Variants in ZNF827 observed in about 807,000 individuals in gnomAD.
ZNF827 encodes zinc finger protein 827.
A neutral mutation model predicts 102.4 loss-of-function variants in ZNF827; 13 were observed. That is an observed-to-expected ratio of 0.13 (90% CI 0.08 to 0.20). ZNF827 has a LOEUF of 0.20. Among genes scored for constraint, ZNF827 ranks in the 10% least tolerant of loss-of-function variants. ZNF827 has a pLI of 1.00. For missense variants in ZNF827, 1,103 were observed against 1,344.4 expected (o/e 0.82, Z 2.81); for synonymous variants, 523 against 536.2 (o/e 0.98, Z 0.34).
At chr4:145,863,188 A>G (rs1158326984) in intron 5 of ZNF827, among the ~76,000 whole-genome samples, 1 of 152,252 alleles carries the variant, frequency 6.6e-6, no homozygotes, top group East Asian at 1.9e-4. Flanking sequence ...AATCAAAACT[A>G]TAATGAAACA....
intron 5 of ZNF827, among the ~76,000 whole-genome samples, chr4:145,856,784 C>T (rs1263834057): frequency 1.4e-5 from 2 of 146,848 alleles, no homozygotes; most frequent in African/African-American, 5.1e-5. Context: ...AAGCCAATGT[C>T]TATGATGAAG....
intron 7 of ZNF827, among the ~76,000 whole-genome samples, chr4:145,835,485 C>CCG (rs1427090293): frequency 2.0e-5 from 3 of 150,860 alleles, no homozygotes; most frequent in Non-Finnish European, 4.4e-5. Context: ...TAGTTATCCC[C>CCG]ACCTGCCCAG....
chr4:145,805,234 T>A (rs376475027), intron 8 of ZNF827, among the ~76,000 whole-genome samples: 60 of 152,248 alleles, frequency 3.9e-4, no homozygotes, highest in African/African-American at 1.3e-3. Flanking sequence ...AAATAATGGA[T>A]TTGTCTCTAA....
intron 11 of ZNF827, among the ~76,000 whole-genome samples, chr4:145,767,628 T>C (rs1735505844): frequency 6.6e-6 from 1 of 152,182 alleles, no homozygotes; most frequent in Non-Finnish European, 1.5e-5. Flanking sequence ...AAGAAAGATA[T>C]GTTATGTGCA....
At chr4:145,812,685 G>A (rs752689935) in intron 8 of ZNF827, among the ~76,000 whole-genome samples, 2 of 151,986 alleles carry the variant, frequency 1.3e-5, no homozygotes, top group South Asian at 2.1e-4. Context: ...ACGCCAACAC[G>A]CCCAGCTAAC....
chr4:145,922,824 T>A (rs528219229), intron 1 of ZNF827, among the ~76,000 whole-genome samples: 1 of 152,182 alleles, frequency 6.6e-6, no homozygotes, highest in East Asian at 1.9e-4. Flanking sequence ...GTAAGACTGA[T>A]ACTTCAAGGA....
At chr4:145,772,446 CT>C (rs1310187729) in intron 11 of ZNF827, among the ~76,000 whole-genome samples, 2 of 152,176 alleles carry the variant, frequency 1.3e-5, no homozygotes, top group Non-Finnish European at 2.9e-5. Flanking sequence ...ACAGGAAACC[CT>C]TGCTGTGAGA....
At chr4:145,905,105 G>A (rs919877598) in intron 1 of ZNF827, among the ~76,000 whole-genome samples, 1 of 152,218 alleles carries the variant, frequency 6.6e-6, no homozygotes, top group African/African-American at 2.4e-5. Context: ...TCTGTCTGCT[G>A]TTGGCTTCCT....
At chr4:145,904,585 G>A (rs1051176418) in intron 1 of ZNF827, among the ~76,000 whole-genome samples, 1 of 152,204 alleles carries the variant, frequency 6.6e-6, no homozygotes, top group Non-Finnish European at 1.5e-5. Context: ...AACATGCCTG[G>A]CACGCCCATG....
At chr4:145,779,939 C>G (rs1737719573) in intron 8 of ZNF827, among the ~76,000 whole-genome samples, 2 of 152,328 alleles carry the variant, frequency 1.3e-5, no homozygotes, top group Admixed American at 1.3e-4. Context: ...ACCTGTAATC[C>G]CAGCACTTTG....
chr4:145,880,252 C>A (rs933962979), intron 4 of ZNF827, among the ~76,000 whole-genome samples: 3 of 152,188 alleles, frequency 2.0e-5, no homozygotes, highest in African/African-American at 7.2e-5. Flanking sequence ...AATCTCAGTT[C>A]TACCACCTAT....
chr4:145,827,767 T>A (rs956778350), intron 7 of ZNF827, among the ~76,000 whole-genome samples: 1 of 152,176 alleles, frequency 6.6e-6, no homozygotes, highest in Non-Finnish European at 1.5e-5. Context: ...TGGGATTAGA[T>A]CTCCAATAAC....
chr4:145,855,623 A>T (rs545098863), intron 5 of ZNF827, among the ~76,000 whole-genome samples: 1 of 152,332 alleles, frequency 6.6e-6, no homozygotes, highest in African/African-American at 2.4e-5. Flanking sequence ...AATGGAATGA[A>T]GAATTGGGCT....
At chr4:145,930,452 G>T (rs1753718326) in intron 1 of ZNF827, among the ~76,000 whole-genome samples, 1 of 152,180 alleles carries the variant, frequency 6.6e-6, no homozygotes, top group Admixed American at 6.5e-5. Flanking sequence ...TGACCAAAGA[G>T]AAAGAGATAG....
intron 8 of ZNF827, among the ~76,000 whole-genome samples, chr4:145,800,045 C>T (rs1168736580): frequency 6.6e-6 from 1 of 152,058 alleles, no homozygotes; most frequent in African/African-American, 2.4e-5. Flanking sequence ...CTAATACATA[C>T]AATAATTTTT....
At chr4:145,921,634 T>C (rs892311696) in intron 1 of ZNF827, among the ~76,000 whole-genome samples, 1 of 151,514 alleles carries the variant, frequency 6.6e-6, no homozygotes, top group Non-Finnish European at 1.5e-5. Context: ...AGAAATTCAA[T>C]GAGGGGAGGA....
At chr4:145,920,512 T>C (rs1040363742) in intron 1 of ZNF827, among the ~76,000 whole-genome samples, 4 of 152,198 alleles carry the variant, frequency 2.6e-5, no homozygotes, top group African/African-American at 4.8e-5. Context: ...AGGAGAAGCA[T>C]GTGACTCCCT....
chr4:145,932,544 G>A (rs947926199), intron 1 of ZNF827, among the ~76,000 whole-genome samples: 2 of 150,796 alleles, frequency 1.3e-5, no homozygotes, highest in Admixed American at 6.6e-5. Flanking sequence ...GCACAATCTC[G>A]GCTCACTGCA....
intron 4 of ZNF827, chr4:145,876,946 A>T (rs1450338384): frequency 6.6e-6 from 1 of 152,206 alleles, no homozygotes; most frequent in Non-Finnish European, 1.5e-5. Context: ...TGAGATCAGC[A>T]AAATAAATTT....
Sources: gnomAD v4.1 joint callset for allele counts (sites outside exome capture counted in the v4.1 genomes callset) on GRCh38, gnomAD v4.1.1 for gene constraint, MANE v1.5 for transcripts, NCBI Gene and HGNC (gene_info 2026-07-23, HGNC 2026-07-21) for gene names.